AFG2A: variants seen among roughly 807,000 people sequenced by gnomAD.
The protein encoded by AFG2A is AAA ATPase AFG2A, also known as ATPase family gene 2 protein homolog A.
At chr4:123,227,308 A>G in the AFG2A span, among the ~76,000 whole-genome samples, 73 of 151,884 alleles carry the variant, frequency 4.8e-4, no homozygotes, top group African/African-American at 1.6e-3. Context: ...ATGTCAGGGT[A>G]TCAATTTTAG....
chr4:123,001,392 T>A, the AFG2A span, among the ~76,000 whole-genome samples: 1 of 152,180 alleles, frequency 6.6e-6, no homozygotes, highest in Non-Finnish European at 1.5e-5. Flanking sequence ...CTAATTGTGA[T>A]GTTAGGGTGT....
the AFG2A span, among the ~76,000 whole-genome samples, chr4:122,965,824 A>G: frequency 1.3e-5 from 2 of 152,156 alleles, no homozygotes; most frequent in Non-Finnish European, 2.9e-5. Context: ...TTAATCTTTC[A>G]TTATGGGTTC....
At chr4:123,042,480 T>C in the AFG2A span, among the ~76,000 whole-genome samples, 2 of 152,192 alleles carry the variant, frequency 1.3e-5, no homozygotes, top group African/African-American at 4.8e-5. Flanking sequence ...TTTCAGCATA[T>C]GAATTTGGGA....
chr4:122,947,463 C>G, the AFG2A span: 1 of 1,612,888 alleles, frequency 6.2e-7, no homozygotes, highest in Non-Finnish European at 8.5e-7. Context: ...TTGGAGCAGA[C>G]TTGAAAGTCT....
the AFG2A span, chr4:123,255,980 G>T: frequency 6.2e-7 from 1 of 1,611,700 alleles, no homozygotes; most frequent in Non-Finnish European, 8.5e-7. Context: ...TCAGTTCTGA[G>T]CCCAGTTAAT....
the AFG2A span, among the ~76,000 whole-genome samples, chr4:123,136,860 A>G: frequency 1.3e-5 from 2 of 151,880 alleles, no homozygotes; most frequent in African/African-American, 2.4e-5. Context: ...AAAAAAAAGA[A>G]AAAAAGAGAA....
the AFG2A span, among the ~76,000 whole-genome samples, chr4:123,263,651 C>T: frequency 6.6e-6 from 1 of 152,004 alleles, no homozygotes; most frequent in East Asian, 1.9e-4. Context: ...AAATCAAAAC[C>T]ACAGTGCAAT....
At chr4:122,935,450 G>T in the AFG2A span, among the ~76,000 whole-genome samples, 2 of 151,208 alleles carry the variant, frequency 1.3e-5, no homozygotes, top group Non-Finnish European at 2.9e-5. Context: ...GGGATGGGGC[G>T]TTGCAACAAT....
the AFG2A span, among the ~76,000 whole-genome samples, chr4:123,113,271 G>C: frequency 6.6e-6 from 1 of 152,172 alleles, no homozygotes; most frequent in East Asian, 1.9e-4. Flanking sequence ...GGAGAGGGCT[G>C]CTTGCTTTAC....
At chr4:122,948,384 GTA>G in the AFG2A span, among the ~76,000 whole-genome samples, 32 of 89,638 alleles carry the variant, frequency 3.6e-4, no homozygotes, top group East Asian at 9.9e-4. Flanking sequence ...CTTCTCCAGA[GTA>G]TACACACACA....
chr4:123,056,530 T>C, the AFG2A span: 4 of 1,081,046 alleles, frequency 3.7e-6, no homozygotes, highest in South Asian at 2.3e-5. Context: ...TAACAGACTT[T>C]GGCATTTCCG....
At chr4:123,183,224 C>G in the AFG2A span, among the ~76,000 whole-genome samples, 8 of 152,078 alleles carry the variant, frequency 5.3e-5, no homozygotes, top group Non-Finnish European at 1.2e-4. Context: ...ATTTATTTAA[C>G]CACCCTTCAA....
At chr4:123,122,788 T>G in the AFG2A span, among the ~76,000 whole-genome samples, 3 of 151,842 alleles carry the variant, frequency 2.0e-5, no homozygotes, top group Non-Finnish European at 4.4e-5. Context: ...TTTGTTTTTT[T>G]TTTTTGACAG....
the AFG2A span, among the ~76,000 whole-genome samples, chr4:123,198,526 T>C: frequency 2.6e-5 from 4 of 152,292 alleles, no homozygotes; most frequent in East Asian, 5.8e-4. Flanking sequence ...CTCCCTAGAA[T>C]TGCATCTCTG....
chr4:122,957,993 A>G, the AFG2A span, among the ~76,000 whole-genome samples: 2 of 152,182 alleles, frequency 1.3e-5, no homozygotes, highest in Admixed American at 1.3e-4. Context: ...TACACCCTTG[A>G]TAAAGGAATA....
At chr4:123,140,912 C>T in the AFG2A span, among the ~76,000 whole-genome samples, 14 of 152,148 alleles carry the variant, frequency 9.2e-5, no homozygotes, top group Non-Finnish European at 1.6e-4. Flanking sequence ...AAAAAATGCT[C>T]GTGTCATTTT....
the AFG2A span, among the ~76,000 whole-genome samples, chr4:123,275,512 G>T: frequency 6.6e-6 from 1 of 151,918 alleles, no homozygotes; most frequent in Non-Finnish European, 1.5e-5. Flanking sequence ...TTTTATTTTA[G>T]GTTCAAGGAG....
At chr4:122,928,446 T>G in the AFG2A span, among the ~76,000 whole-genome samples, 7 of 152,222 alleles carry the variant, frequency 4.6e-5, no homozygotes, top group African/African-American at 1.7e-4. Context: ...ACTTTGAAAT[T>G]TTTTGTCTGC....
the AFG2A span, among the ~76,000 whole-genome samples, chr4:122,935,449 C>T: frequency 1.5e-4 from 23 of 149,520 alleles, no homozygotes; most frequent in Admixed American, 2.0e-4. Flanking sequence ...TGGGATGGGG[C>T]GTTGCAACAA....
Sources: allele counts gnomAD v4.1 joint callset (sites outside exome capture counted in the v4.1 genomes callset), GRCh38; gene constraint gnomAD v4.1.1; transcripts MANE v1.5; gene names NCBI Gene and HGNC (gene_info 2026-07-23, HGNC 2026-07-21).